The following CSMD1 variants were observed in gnomAD, a reference collection of about 807,000 sequenced individuals.
CSMD1 encodes CUB and Sushi multiple domains 1.
In CSMD1, 213 loss-of-function variants were observed where a neutral mutation model predicts 417.5. The ratio of observed to expected loss-of-function variants is 0.51; its 90% CI spans 0.46 to 0.57. The LOEUF (loss-of-function observed/expected upper bound fraction) is 0.57. CSMD1 is among the 20% of genes least tolerant of loss of function. The pLI is 0.00. For missense variants in CSMD1, 6,923 were observed against 4,529.7 expected (o/e 1.53, Z -15.17); for synonymous variants, 2,862 against 1,736.8 (o/e 1.65, Z -16.11).
intron 1 of CSMD1, among the ~76,000 whole-genome samples, chr8:4,691,108 T>C (rs968888809): frequency 6.6e-6 from 1 of 152,156 alleles, no homozygotes; most frequent in Non-Finnish European, 1.5e-5. Context: ...TCCCCATCTT[T>C]ATGACAGAAT....
chr8:3,668,119 G>A (rs552035186), intron 7 of CSMD1, among the ~76,000 whole-genome samples: 5 of 152,136 alleles, frequency 3.3e-5, no homozygotes, highest in African/African-American at 9.7e-5. Context: ...GGGAGAGAGC[G>A]TTGAACACAA....
chr8:3,524,144 CAT>C (rs1797648852), intron 10 of CSMD1, among the ~76,000 whole-genome samples: 1 of 151,698 alleles, frequency 6.6e-6, no homozygotes, highest in South Asian at 2.1e-4. Context: ...CACACACGCA[CAT>C]ATGCATGCAC....
At chr8:4,561,931 G>C (rs376848344) in intron 2 of CSMD1, among the ~76,000 whole-genome samples, 27 of 152,124 alleles carry the variant, frequency 1.8e-4, no homozygotes, top group African/African-American at 5.8e-4. Context: ...ACAAAGGCCA[G>C]GCGTTTAGAC....
intron 1 of CSMD1, among the ~76,000 whole-genome samples, chr8:4,894,508 G>C (rs577170606): frequency 6.7e-6 from 1 of 149,312 alleles, no homozygotes; most frequent in Non-Finnish European, 1.5e-5. Flanking sequence ...AGCCGAGATC[G>C]CACCATCGCA....
intron 22 of CSMD1, among the ~76,000 whole-genome samples, 174 bp downstream of exon 22, chr8:3,347,818 C>T (rs1470596241): frequency 6.6e-6 from 1 of 152,140 alleles, no homozygotes; most frequent in African/African-American, 2.4e-5. Flanking sequence ...ATACACTGCT[C>T]TAAGCGAAGT....
intron 1 of CSMD1, among the ~76,000 whole-genome samples, chr8:4,742,486 A>C (rs1250652086): frequency 6.6e-6 from 1 of 152,138 alleles, no homozygotes; most frequent in Non-Finnish European, 1.5e-5. Flanking sequence ...ACATACACGC[A>C]CACATACATA....
At chr8:4,907,871 TTTA>T (rs1805405312) in intron 1 of CSMD1, among the ~76,000 whole-genome samples, 1 of 152,144 alleles carries the variant, frequency 6.6e-6, no homozygotes, top group South Asian at 2.1e-4. Flanking sequence ...TTGGCCATTG[TTTA>T]TTAATTATAT....
At chr8:3,077,012 T>A (rs1813731476) in intron 49 of CSMD1, among the ~76,000 whole-genome samples, 2 of 133,446 alleles carry the variant, frequency 1.5e-5, no homozygotes, top group Non-Finnish European at 3.2e-5. Context: ...TTCCTCCCTG[T>A]TTTTGGAGTC....
At chr8:3,895,042 G>T (rs979808400) in intron 5 of CSMD1, among the ~76,000 whole-genome samples, 4 of 152,144 alleles carry the variant, frequency 2.6e-5, no homozygotes, top group African/African-American at 9.7e-5. Flanking sequence ...TTTATTATTT[G>T]AATGGTATAG....
intron 1 of CSMD1, among the ~76,000 whole-genome samples, chr8:4,785,259 C>T (rs1797343749): frequency 6.6e-6 from 1 of 152,126 alleles, no homozygotes; most frequent in African/African-American, 2.4e-5. Flanking sequence ...AGGAGGTGAA[C>T]ATTGGCAAAG....
intron 3 of CSMD1, among the ~76,000 whole-genome samples, chr8:4,254,864 T>C (rs974832610): frequency 2.0e-5 from 3 of 152,282 alleles, no homozygotes; most frequent in African/African-American, 7.2e-5. Context: ...ATGCACATTC[T>C]GTGTTGTTCA....
chr8:3,615,265 C>G (rs1386238990), intron 8 of CSMD1, among the ~76,000 whole-genome samples: 6 of 152,220 alleles, frequency 3.9e-5, no homozygotes, highest in Non-Finnish European at 7.4e-5. Context: ...AAGGTGAGGC[C>G]TGCTTGTCAG....
chr8:3,872,326 C>T (rs1358204341), intron 5 of CSMD1, among the ~76,000 whole-genome samples: 2 of 152,120 alleles, frequency 1.3e-5, no homozygotes, highest in Non-Finnish European at 2.9e-5. Flanking sequence ...CTCAGTTCTC[C>T]CAGCTTTCCC....
At chr8:3,562,252 G>C (rs750173438) in intron 10 of CSMD1, among the ~76,000 whole-genome samples, 18 of 152,140 alleles carry the variant, frequency 1.2e-4, no homozygotes, top group Admixed American at 3.3e-4. Flanking sequence ...AGGAACTCTA[G>C]TGGCATGGAG....
chr8:3,980,488 T>C (rs59005342), intron 5 of CSMD1, among the ~76,000 whole-genome samples: 38,645 of 151,978 alleles, frequency 0.25, 5,039 homozygotes, highest in East Asian at 0.4. Flanking sequence ...TCCTCACAAT[T>C]CACTCTGCTC....
At position 4,230,467 on chromosome 8, in the gene CSMD1, A is replaced by G. The variant is rs556190495; in HGVS notation, c.415+189486T>C. ...TTATTAAATTATATCCCAATCAATA[A>G]CTATTAAACTCTGCTCAAAGTAGAT... is the stretch of plus-strand genomic sequence containing the variant. On this transcript the variant is annotated intron_variant, in intron 3 of 69. Coordinates refer to ENST00000635120, the MANE Select transcript of CSMD1 (RefSeq NM_033225.6). Among the ~76,000 whole-genome samples, 17 of 152,290 alleles carry G rather than the reference A, an allele frequency of 1.1e-4. No individual in the cohort carries two copies. In the South Asian group the frequency reaches 3.5e-3, roughly 32 times the overall value.
chr8:4,985,004 G>C (rs528506478), intron 1 of CSMD1, among the ~76,000 whole-genome samples: 1 of 152,152 alleles, frequency 6.6e-6, no homozygotes, highest in African/African-American at 2.4e-5. Flanking sequence ...TTAAAAATGT[G>C]ATGTAGCCAT....
At chr8:3,567,168 G>A (rs1480737755) in intron 10 of CSMD1, among the ~76,000 whole-genome samples, 3 of 152,122 alleles carry the variant, frequency 2.0e-5, no homozygotes, top group Non-Finnish European at 4.4e-5. Context: ...TAGCGCAGCA[G>A]CAGAAAACCA....
At chr8:4,583,064 G>A (rs891188136) in intron 2 of CSMD1, among the ~76,000 whole-genome samples, 22 of 152,194 alleles carry the variant, frequency 1.4e-4, no homozygotes, top group Non-Finnish European at 2.4e-4. Context: ...CTGCCTTCCC[G>A]CGGGGCAGGG....
Sources: allele counts gnomAD v4.1 joint callset (sites outside exome capture counted in the v4.1 genomes callset), GRCh38; gene constraint gnomAD v4.1.1; transcripts MANE v1.5; gene names NCBI Gene and HGNC (gene_info 2026-07-23, HGNC 2026-07-21).